DCC: variants seen among roughly 807,000 people sequenced by gnomAD.
DCC encodes the protein netrin receptor DCC.
In DCC, 58 loss-of-function variants were observed where a neutral mutation model predicts 172.5. The observed-to-expected ratio is 0.34, with a 90% CI of 0.27 to 0.42. The LOEUF is 0.42. Ranked by LOEUF, DCC falls within the 10% of genes least tolerant of loss-of-function variation. The pLI is 1.00. For synonymous variants in DCC, 709 were observed against 644.5 expected, an observed-to-expected ratio of 1.10 and a Z score of -1.52; for missense variants, 1,740 against 1,791.0, an observed-to-expected ratio of 0.97 and a Z score of 0.51.
chr18:52,868,129 G>A (rs564095988), intron 2 of DCC, among the ~76,000 whole-genome samples: 3 of 151,450 alleles, frequency 2.0e-5, no homozygotes, highest in African/African-American at 7.3e-5. Flanking sequence ...ATGTGTGTGT[G>A]TATTATATAT....
At chr18:52,424,210 T>C (rs1374238639) in intron 1 of DCC, among the ~76,000 whole-genome samples, 1 of 152,216 alleles carries the variant, frequency 6.6e-6, no homozygotes, top group Non-Finnish European at 1.5e-5. Flanking sequence ...TATTAGGCAC[T>C]CACTGTGTAT....
chr18:52,475,050 C>A (rs1227369078), intron 1 of DCC, among the ~76,000 whole-genome samples: 1 of 152,178 alleles, frequency 6.6e-6, no homozygotes, highest in Non-Finnish European at 1.5e-5. Context: ...TAATTTCAGT[C>A]ATCATGATCT....
Position 53,450,495 on chromosome 18 carries a change from C to T in DCC, c.3230-5C>T, listed in dbSNP as rs747596626. The T allele has an allele frequency of 7.4e-6, 12 of 1,613,728 alleles. No individual in the cohort carries two copies. The highest frequency in any genetic ancestry group is 6.6e-5 in the South Asian group (6 of 91,066). ...CCTGAACTCCATTTTCCTGTCTTTTCCCAGAGCCGCCAATTGGACAAATGC... is the reference window on the plus strand; with the variant it reads ...CCTGAACTCCATTTTCCTGTCTTTTTCCAGAGCCGCCAATTGGACAAATGC... On this transcript the variant is annotated splice_region_variant and splice_polypyrimidine_tract_variant and intron_variant, in intron 22 of 28. Coordinates refer to ENST00000442544, the MANE Select transcript of DCC (RefSeq NM_005215.4).
At chr18:53,202,190 T>A (rs1246962912) in intron 9 of DCC, among the ~76,000 whole-genome samples, 1 of 152,104 alleles carries the variant, frequency 6.6e-6, no homozygotes, top group African/African-American at 2.4e-5. Context: ...TGAAGGAATG[T>A]CTTTTTCTAG....
At chr18:53,005,739 A>G (rs2041634596) in intron 5 of DCC, among the ~76,000 whole-genome samples, 1 of 152,224 alleles carries the variant, frequency 6.6e-6, no homozygotes, top group Admixed American at 6.5e-5. Flanking sequence ...AAAACAGAGA[A>G]GAAAAGAAAG....
chr18:53,025,250 A>G (rs1469404906), intron 5 of DCC, among the ~76,000 whole-genome samples: 1 of 152,182 alleles, frequency 6.6e-6, no homozygotes, highest in Non-Finnish European at 1.5e-5. Flanking sequence ...TTTTAAAATG[A>G]TATCACTAAG....
intron 1 of DCC, among the ~76,000 whole-genome samples, chr18:52,449,932 A>G (rs1988249411): frequency 6.6e-6 from 1 of 152,158 alleles, no homozygotes; most frequent in Non-Finnish European, 1.5e-5. Flanking sequence ...AGTCCATTAA[A>G]CCACTTTTCT....
intron 1 of DCC, among the ~76,000 whole-genome samples, chr18:52,685,460 C>A (rs2035815622): frequency 1.3e-5 from 2 of 152,020 alleles, no homozygotes; most frequent in African/African-American, 4.8e-5. Flanking sequence ...ATTTTGATTC[C>A]CAGTTATGAC....
intron 1 of DCC, among the ~76,000 whole-genome samples, chr18:52,367,662 T>G (rs1403987945): frequency 6.6e-6 from 1 of 152,320 alleles, no homozygotes; most frequent in Admixed American, 6.5e-5. Flanking sequence ...CTTTGGCTGG[T>G]TTAGCTAATC....
At position 52,552,812 on chromosome 18, in the gene DCC, G is replaced by A. The variant is rs372872353; in HGVS notation, c.92-199242G>A. ...TGACATGTGTAGATGTAGGCTACAT[G>A]TAAAGAAATAAATGGGCTAAAGGAA... On this transcript the variant is annotated intron_variant, in intron 1 of 28. Transcript: ENST00000442544. 2.7e-3 allele frequency among the ~76,000 whole-genome samples: 402 copies of A among 151,548 alleles called. 6 individuals carry two copies. Among genetic ancestry groups the A allele is most frequent in the South Asian group, 0.015 (70 of 4,778 alleles).
chr18:53,029,126 G>A (rs2041994885), intron 5 of DCC, among the ~76,000 whole-genome samples: 2 of 151,580 alleles, frequency 1.3e-5, no homozygotes, highest in African/African-American at 2.4e-5. Context: ...GGATTCATAT[G>A]AGCCATATTT....
At chr18:53,091,808 CATATATCT>C (rs1161473687) in intron 7 of DCC, among the ~76,000 whole-genome samples, 1 of 133,870 alleles carries the variant, frequency 7.5e-6, no homozygotes, top group East Asian at 2.5e-4. Flanking sequence ...ATACACTGTA[CATATATCT>C]ATCTATCTAT....
chr18:53,074,548 C>T (rs1303627224), intron 7 of DCC, among the ~76,000 whole-genome samples: 1 of 152,074 alleles, frequency 6.6e-6, no homozygotes, highest in African/African-American at 2.4e-5. Context: ...TCTGATGGTA[C>T]ATTTATTCAA....
At chr18:52,710,662 G>A (rs1291448031) in intron 1 of DCC, among the ~76,000 whole-genome samples, 1 of 152,104 alleles carries the variant, frequency 6.6e-6, no homozygotes, top group East Asian at 1.9e-4. Context: ...CAAACTTTCT[G>A]TAATAAGCAA....
At chr18:53,044,697 G>A (rs9950010) in intron 5 of DCC, among the ~76,000 whole-genome samples, 46,685 of 151,580 alleles carry the variant, frequency 0.31, 8,282 homozygotes, top group African/African-American at 0.49. Context: ...AAAATAACCA[G>A]ACAGAAAACA....
intron 1 of DCC, among the ~76,000 whole-genome samples, chr18:52,666,562 T>A (rs914648233): frequency 1.3e-5 from 2 of 152,204 alleles, no homozygotes; most frequent in African/African-American, 4.8e-5. Flanking sequence ...ATATTTATGA[T>A]TCGTGTTTCT....
At chr18:53,527,871 A>C (rs1160443365) in intron 28 of DCC, among the ~76,000 whole-genome samples, 1 of 152,010 alleles carries the variant, frequency 6.6e-6, no homozygotes, top group Non-Finnish European at 1.5e-5. Context: ...TCAGGGCACT[A>C]GAAGAGAAAA....
chr18:53,394,780 T>C (rs1424508284), intron 17 of DCC, among the ~76,000 whole-genome samples: 1 of 152,188 alleles, frequency 6.6e-6, no homozygotes, highest in African/African-American at 2.4e-5. Context: ...GCTTTACTTG[T>C]CTTAGTTTGC....
intron 1 of DCC, among the ~76,000 whole-genome samples, chr18:52,518,002 G>C (rs1333186851): frequency 6.6e-6 from 1 of 152,026 alleles, no homozygotes; most frequent in African/African-American, 2.4e-5. Context: ...TATGAATAGT[G>C]CTGTTAAATA....
Sources: gnomAD v4.1 joint callset for allele counts (sites outside exome capture counted in the v4.1 genomes callset) on GRCh38, gnomAD v4.1.1 for gene constraint, MANE v1.5 for transcripts, NCBI Gene and HGNC (gene_info 2026-07-23, HGNC 2026-07-21) for gene names.